CNTN5: variants seen among roughly 807,000 people sequenced by gnomAD.
CNTN5 encodes contactin 5, also known as contactin-5.
CNTN5 carries 77 observed loss-of-function variants against 129.1 expected under a neutral mutation model. The observed-to-expected ratio is 0.60, with a 90% confidence interval of 0.50 to 0.72. The LOEUF (loss-of-function observed/expected upper bound fraction) is 0.72, where lower values mean the gene tolerates loss of function less well. Ranked by LOEUF, CNTN5 falls within the 30% of genes least tolerant of loss-of-function variation. The probability of loss-of-function intolerance (pLI) is 0.00; values close to 1 mark genes in which losing one functional copy is unlikely to be tolerated. For missense variants in CNTN5, 1,478 were observed against 1,328.8 expected (o/e 1.11, Z -1.75); for synonymous variants, 509 against 465.6 (o/e 1.09, Z -1.20).
At chr11:99,836,493 C>T (rs1482503528) in intron 4 of CNTN5, among the ~76,000 whole-genome samples, 3 of 151,998 alleles carry the variant, frequency 2.0e-5, no homozygotes, top group Non-Finnish European at 4.4e-5. Context: ...TATGGCTGCA[C>T]AGTATTCCAT....
At chr11:99,658,743 C>A (rs1274280410) in intron 3 of CNTN5, among the ~76,000 whole-genome samples, 1 of 148,932 alleles carries the variant, frequency 6.7e-6, no homozygotes, top group East Asian at 2.0e-4. Flanking sequence ...ATAAAATTAG[C>A]CAGGCGCGGT....
At chr11:99,112,864 G>A (rs1372843792) in intron 1 of CNTN5, among the ~76,000 whole-genome samples, 1 of 151,850 alleles carries the variant, frequency 6.6e-6, no homozygotes, top group African/African-American at 2.4e-5. Flanking sequence ...TTCTGACTAT[G>A]CATTCTTTTT....
At chr11:99,847,023 A>G (rs540336914) in intron 6 of CNTN5, among the ~76,000 whole-genome samples, 2 of 152,336 alleles carry the variant, frequency 1.3e-5, no homozygotes, top group South Asian at 2.1e-4. Flanking sequence ...AACCCTCATA[A>G]TAGCTCCTTT....
intron 1 of CNTN5, among the ~76,000 whole-genome samples, chr11:99,218,150 C>T (rs1421064272): frequency 2.0e-5 from 3 of 152,064 alleles, no homozygotes; most frequent in African/African-American, 7.2e-5. Flanking sequence ...GTTCTCATGT[C>T]ACCTCGTGTA....
chr11:99,560,278 T>C (rs1397370985), intron 3 of CNTN5, among the ~76,000 whole-genome samples: 5 of 144,758 alleles, frequency 3.5e-5, no homozygotes, highest in Non-Finnish European at 6.1e-5. Context: ...GTATTATTAT[T>C]ATTATTATTA....
chr11:99,215,839 T>G (rs1860087158), intron 1 of CNTN5, among the ~76,000 whole-genome samples: 1 of 152,186 alleles, frequency 6.6e-6, no homozygotes, highest in East Asian at 1.9e-4. Flanking sequence ...TCTGAAAATC[T>G]GGTGAGATGC....
At position 100,310,697 on chromosome 11, in the gene CNTN5, G is replaced by A. The variant is rs1387615450; in HGVS notation, c.2730+2229G>A. On this transcript the variant is annotated intron_variant, in intron 21 of 24. Transcript: ENST00000524871. ...TATGTAGAAAAAATAGGGCAAGAAG[G>A]TAAAGAGAGAGAGTCTGATATTTTA... is the stretch of plus-strand genomic sequence containing the variant. Among the ~76,000 whole-genome samples, 3 of 109,394 alleles carry A rather than the reference G, an allele frequency of 2.7e-5. No individual in the cohort carries two copies. The Admixed American group carries it at 2.9e-4, about 11-fold the overall frequency. 71.8% of individuals were successfully genotyped at this position (109,394 alleles called of 152,430 possible).
At chr11:100,031,441 G>T (rs944411066) in intron 9 of CNTN5, among the ~76,000 whole-genome samples, 1 of 152,094 alleles carries the variant, frequency 6.6e-6, no homozygotes, top group African/African-American at 2.4e-5. Flanking sequence ...AATGGAATGC[G>T]ACCCTTGTGG....
intron 2 of CNTN5, among the ~76,000 whole-genome samples, chr11:99,413,173 G>C (rs1220262281): frequency 1.3e-5 from 2 of 152,128 alleles, no homozygotes; most frequent in Non-Finnish European, 2.9e-5. Context: ...AAAATACTTA[G>C]AGTCAAGTAT....
intron 2 of CNTN5, among the ~76,000 whole-genome samples, chr11:99,422,908 G>A (rs1334344759): frequency 6.6e-6 from 1 of 151,960 alleles, no homozygotes; most frequent in Non-Finnish European, 1.5e-5. Flanking sequence ...CAGATGTTGG[G>A]GAAATATAAT....
intron 13 of CNTN5, among the ~76,000 whole-genome samples, chr11:100,169,125 T>C (rs1042792956): frequency 1.3e-5 from 2 of 152,014 alleles, no homozygotes; most frequent in Non-Finnish European, 2.9e-5. Context: ...AGATGGAATC[T>C]ATTCCTGGTG....
At chr11:99,633,168 G>C (rs1321920637) in intron 3 of CNTN5, among the ~76,000 whole-genome samples, 1 of 152,110 alleles carries the variant, frequency 6.6e-6, no homozygotes, top group African/African-American at 2.4e-5. Context: ...AGAACTTTCA[G>C]TTTCTCAGTG....
intron 13 of CNTN5, among the ~76,000 whole-genome samples, chr11:100,099,630 T>G (rs574730939): frequency 1.1e-4 from 16 of 152,226 alleles, no homozygotes; most frequent in African/African-American, 3.8e-4. Context: ...TCTTTCTGCT[T>G]TGTGATTAGT....
intron 13 of CNTN5, among the ~76,000 whole-genome samples, chr11:100,081,721 G>T (rs576003251): frequency 3.3e-5 from 5 of 152,134 alleles, no homozygotes; most frequent in Non-Finnish European, 5.9e-5. Flanking sequence ...GCAAAAGAAG[G>T]ACTATATACC....
intron 21 of CNTN5, among the ~76,000 whole-genome samples, chr11:100,324,680 A>G (rs1474269809): frequency 6.6e-6 from 1 of 152,176 alleles, no homozygotes; most frequent in Non-Finnish European, 1.5e-5. Context: ...AAAATATTTA[A>G]TTATATTTAT....
chr11:100,280,272 G>A (rs1241483864), intron 18 of CNTN5, among the ~76,000 whole-genome samples: 1 of 151,844 alleles, frequency 6.6e-6, no homozygotes, highest in Non-Finnish European at 1.5e-5. Context: ...CTGAAAGTGA[G>A]GTGTTAAAGT....
intron 3 of CNTN5, among the ~76,000 whole-genome samples, chr11:99,721,960 G>T (rs1358774697): frequency 1.3e-5 from 2 of 152,134 alleles, no homozygotes; most frequent in Non-Finnish European, 2.9e-5. Context: ...TGTCAGAATG[G>T]CTATTCTTAA....
chr11:100,207,453 T>C (rs912127214), intron 15 of CNTN5, among the ~76,000 whole-genome samples: 5 of 152,122 alleles, frequency 3.3e-5, no homozygotes, highest in African/African-American at 1.2e-4. Context: ...CAAAATTAGA[T>C]AAAATAATTT....
chr11:99,408,565 C>G (rs537593944), intron 2 of CNTN5, among the ~76,000 whole-genome samples: 1 of 151,694 alleles, frequency 6.6e-6, no homozygotes, highest in Non-Finnish European at 1.5e-5. Flanking sequence ...AAATCCTGAC[C>G]GCAAGGCATC....
Sources: allele counts gnomAD v4.1 joint callset (sites outside exome capture counted in the v4.1 genomes callset), GRCh38; gene constraint gnomAD v4.1.1; transcripts MANE v1.5; gene names NCBI Gene and HGNC (gene_info 2026-07-23, HGNC 2026-07-21).